Variants in STT3A observed in about 807,000 individuals in gnomAD.
STT3A encodes the protein dolichyl-diphosphooligosaccharide--protein glycosyltransferase subunit STT3A.
In STT3A, 34 loss-of-function variants were observed where a neutral mutation model predicts 89.2. The observed-to-expected ratio is 0.38, with a 90% CI of 0.29 to 0.51. The LOEUF (loss-of-function observed/expected upper bound fraction) is 0.51. Among genes scored for constraint, STT3A ranks in the 20% least tolerant of loss-of-function variants. The pLI, the probability that STT3A is intolerant of heterozygous loss-of-function variation, is 0.89. For synonymous variants in STT3A, 282 were observed against 310.3 expected (o/e 0.91, Z 0.96); for missense variants, 555 against 889.5 (o/e 0.62, Z 4.78).
At chr11:125,608,463 T>TGCCACCGCGCCC (rs1939903230) in intron 9 of STT3A, 174 bp downstream of exon 9, 4 of 554,746 alleles carry the variant, frequency 7.2e-6, no homozygotes, top group South Asian at 6.2e-5. Context: ...TACAGGCGCC[T>TGCCACCGCGCCC]GCCACCGCGC....
intron 7 of STT3A, 108 bp from the exon 8 acceptor site, chr11:125,606,193 A>G: frequency 9.5e-7 from 1 of 1,053,022 alleles, no homozygotes; most frequent in Non-Finnish European, 1.4e-6. Flanking sequence ...ATAAAGTTAT[A>G]GTTACTATAA....
intron 3 of STT3A, among the ~76,000 whole-genome samples, chr11:125,599,560 G>A (rs1028396706): frequency 6.6e-6 from 1 of 151,814 alleles, no homozygotes; most frequent in East Asian, 1.9e-4. Context: ...ACAGGCACGC[G>A]CCACCATGCC....
At chr11:125,600,442 C>T (rs1303132289) in intron 3 of STT3A, among the ~76,000 whole-genome samples, 3 of 152,086 alleles carry the variant, frequency 2.0e-5, no homozygotes, top group Non-Finnish European at 4.4e-5. Context: ...CTCACTGAAG[C>T]TTCAACCTCC....
At chr11:125,611,580 G>T in intron 11 of STT3A, 61 bp downstream of exon 11, 1 of 1,469,438 alleles carries the variant, frequency 6.8e-7, no homozygotes, top group Non-Finnish European at 9.5e-7. Flanking sequence ...TTTTTTATCT[G>T]TCTGGCAGAA....
rs525186 is a variant in STT3A, at chr11:125,619,893, A to C, written c.1964-118A>C. ...CCCTTTTTTGCAGGCTCTACTCTCA[A>C]CAAATTGCAGGCTGAGGAATAATCA... On this transcript the variant is annotated intron_variant, in intron 16 of 17. Transcript: ENST00000392708. 0.37 allele frequency: 326,530 copies of C among 880,536 alleles called. 61,779 individuals carry two copies. The highest frequency in any genetic ancestry group is 0.5 in the African/African-American group (29,745 of 59,382). The allele number at this position is 880,536 out of a possible 1,614,324, so 54.5% of individuals were successfully genotyped here. A position where few individuals can be genotyped will look rare whatever the true frequency, so the allele number is the denominator to read the frequency against.
rs373671501 is a variant in STT3A, at chr11:125,612,979, C to T, written c.1366-10C>T. The T allele has an allele frequency of 2.5e-6, 4 of 1,611,764 alleles. No homozygotes were observed. Among genetic ancestry groups the T allele is most frequent in the Middle Eastern group, 1.7e-4 (1 of 6,046 alleles). Reference sequence around the variant, plus strand: ...GTTAACTACACAATTAATTCTTTTTCCTTGTTTAGGTGGCAAGTGGGATGA... The same window carrying T: ...GTTAACTACACAATTAATTCTTTTTTCTTGTTTAGGTGGCAAGTGGGATGA... On this transcript the variant is annotated splice_polypyrimidine_tract_variant and intron_variant, in intron 12 of 17. Coordinates refer to ENST00000392708, the MANE Select transcript of STT3A (RefSeq NM_152713.5).
At chr11:125,595,014 C>G (rs1939446627) in intron 1 of STT3A, 1 of 152,126 alleles carries the variant, frequency 6.6e-6, no homozygotes, top group Non-Finnish European at 1.5e-5. Context: ...CATTAGTTAT[C>G]AGGTATGCTG....
At position 125,608,215 on chromosome 11, in the gene STT3A, A is replaced by C. The variant is rs760724999; in HGVS notation, c.887A>C (p.Glu296Ala). Residue 296 changes from glutamate to alanine, a missense_variant, in exon 9 of 18, where the codon GAA becomes GCA. By Grantham distance (107) the Glu-to-Ala change is moderately radical (BLOSUM62 -1). Transcript: ENST00000392708. ...AGCAAGTTGAATCCACAACAATTTG[A>C]AGTTCTTTTCCGGAGCGTCATCTCT... ...LRSKLNPQQF[E>A]VLFRSVISLV... is the part of the protein sequence containing the mutation. 12 of 1,613,974 alleles carry C rather than the reference A, an allele frequency of 7.4e-6. No homozygotes were observed. The highest frequency in any genetic ancestry group is 1.1e-5 in the South Asian group (1 of 91,074).
chr11:125,613,272 A>G lies in STT3A; in HGVS notation c.1554+95A>G. The G allele has an allele frequency of 4.3e-6, 6 of 1,395,992 alleles. No individual in the cohort carries two copies. Among genetic ancestry groups the G allele is most frequent in the Non-Finnish European group, 2.0e-6 (2 of 1,019,436 alleles). The allele number at this position is 1,395,992 out of a possible 1,614,324, so 86.5% of individuals were successfully genotyped here. A position where few individuals can be genotyped will look rare whatever the true frequency, so the allele number is the denominator to read the frequency against. Reference sequence around the variant, plus strand: ...TCATACAGCTTTTAGATGGGTGGAAAGCTGGGTGAAACTGGAACTTTGCAA... The same window carrying G: ...TCATACAGCTTTTAGATGGGTGGAAGGCTGGGTGAAACTGGAACTTTGCAA... On this transcript the variant is annotated intron_variant, in intron 13 of 17. Transcript: ENST00000392708. This position sits in a 1 kb window ranked among gnomAD's most constrained non-coding sequence, Gnocchi z 4.2.
intron 17 of STT3A, 81 bp downstream of exon 17, chr11:125,620,207 T>A (rs1940309410): frequency 1.8e-6 from 2 of 1,121,462 alleles, no homozygotes; most frequent in Non-Finnish European, 2.6e-6. Context: ...GGACATATAT[T>A]TCTCAAATAG....
rs73019769 is a variant in STT3A, at chr11:125,600,677, A to G, written c.150-1626A>G. The stretch of plus-strand genomic sequence containing the variant: ...CTCACCCAGCCTTATTTCTTTTTAA[A>G]TAAGAAACTTAAGGACTTACATATT... On this transcript the variant is annotated intron_variant, in intron 3 of 17. Transcript: ENST00000392708. Among the ~76,000 whole-genome samples the G allele has an allele frequency of 6.1e-3, 933 of 152,304 alleles. 8 individuals carry two copies. Among genetic ancestry groups the G allele is most frequent in the Non-Finnish European group, 7.2e-3 (487 of 68,034 alleles).
In STT3A at chr11:125,605,478, T is replaced by C. The variant is rs1488645014; in HGVS notation, c.509-151T>C. ...TGAAGTAGATACTATTACTTCTTCT[T>C]ACATGAAACTGAAACAAAAGGAAGT... On this transcript the variant is annotated intron_variant, in intron 6 of 17. Coordinates refer to ENST00000392708, the MANE Select transcript of STT3A (RefSeq NM_152713.5). The C allele has an allele frequency of 1.7e-5, 9 of 536,700 alleles. No homozygotes were observed. The Admixed American group carries it at 3.3e-4, about 19-fold the overall frequency. The allele number at this position is 536,700 out of a possible 1,614,324, so 33.2% of individuals were successfully genotyped here.
intron 17 of STT3A, 79 bp downstream of exon 17, chr11:125,620,205 A>G (rs1940309334): frequency 2.6e-6 from 3 of 1,132,440 alleles, no homozygotes; most frequent in African/African-American, 1.6e-5. Flanking sequence ...TGGGACATAT[A>G]TTTCTCAAAT....
rs1940356278 is a variant in STT3A at position 125,621,781 on chromosome 11, TC to T, written c.*974del. Reference sequence around the variant, plus strand: ...AAGGGGAAGCATTGCCAGTAACAGGTCCCTAGAGAGCAGTGCCAGCCTGCCT... The same window carrying T: ...AAGGGGAAGCATTGCCAGTAACAGGTCCTAGAGAGCAGTGCCAGCCTGCCT... On this transcript the variant is annotated 3_prime_UTR_variant, in exon 18 of 18. Transcript: ENST00000392708. 6.6e-6 allele frequency: 1 copy of T among 152,136 alleles called. No homozygotes were observed. The highest frequency in any genetic ancestry group is 2.4e-5 in the African/African-American group (1 of 41,426). 9.4% of individuals were successfully genotyped at this position (152,136 alleles called of 1,614,324 possible).
chr11:125,597,585 G>GA (rs1323005895), intron 3 of STT3A, among the ~76,000 whole-genome samples: 5 of 152,188 alleles, frequency 3.3e-5, no homozygotes, highest in Non-Finnish European at 7.3e-5. Context: ...CAGATTGAAG[G>GA]AAAGGGTCCT....
Position 125,611,509 on chromosome 11 carries a change from C to G in STT3A, c.1199C>G (p.Ser400Ter), listed in dbSNP as rs771270993. ...TATGGTGTGACCAGCATGTACTTTT[C>G]AGCTGTAATGGTGAGGATGCCCTCA... ...IMYGVTSMYF[S>*]AVMVRLMLVL... is the part of the protein sequence containing the mutation. The change falls in exon 11 of 18, where the codon TCA becomes TGA. Residue 400 changes from serine (S) to a stop codon, truncating the protein, a stop_gained. Transcript: ENST00000392708. LOFTEE classifies it high-confidence loss of function. The G allele has an allele frequency of 1.2e-6, 2 of 1,613,754 alleles. No homozygotes were observed. Among genetic ancestry groups the G allele is most frequent in the Admixed American group, 3.3e-5 (2 of 59,982 alleles).
In STT3A at chr11:125,596,922, A is replaced by C. The variant is rs975904321; in HGVS notation, c.89-137A>C. ...GTTTCCTTTATGTGGGGAAAGATGG[A>C]TAAAGACTTTATTCAGGGATTATTT... On this transcript the variant is annotated intron_variant, in intron 2 of 17. Coordinates refer to ENST00000392708, the MANE Select transcript of STT3A (RefSeq NM_152713.5). 4.3e-6 allele frequency: 4 copies of C among 938,064 alleles called. No homozygotes were observed. The African/African-American group carries it at 6.6e-5, about 16-fold the overall frequency. 58.1% of individuals were successfully genotyped at this position (938,064 alleles called of 1,614,324 possible). A position where few individuals can be genotyped will look rare whatever the true frequency, so the allele number is the denominator to read the frequency against.
intron 1 of STT3A, among the ~76,000 whole-genome samples, chr11:125,594,329 C>T (rs1939417438): frequency 6.6e-6 from 1 of 152,136 alleles, no homozygotes. Flanking sequence ...CGCCTGTAAT[C>T]CCAGCACTTT....
In STT3A at chr11:125,620,007, C is replaced by T. The variant is rs1050839295; in HGVS notation, c.1964-4C>T. ...GAAGTGTGTTCTTTTTCATCCCTCT[C>T]TAGAGCGTCCTCCAGGCTTTGACCG... On this transcript the variant is annotated splice_polypyrimidine_tract_variant and splice_region_variant and intron_variant, in intron 16 of 17. Transcript: ENST00000392708. 1 of 1,613,330 alleles carries T rather than the reference C, an allele frequency of 6.2e-7. No individual in the cohort carries two copies. The highest frequency in any genetic ancestry group is 1.1e-5 in the South Asian group (1 of 90,984).
Sources: gnomAD v4.1 joint callset for allele counts (sites outside exome capture counted in the v4.1 genomes callset) on GRCh38, gnomAD v4.1.1 for gene constraint, Gnocchi (gnomAD v3.1) non-coding constraint, MANE v1.5 for transcripts, NCBI Gene and HGNC (gene_info 2026-07-23, HGNC 2026-07-21) for gene names.